HDAC4: variants seen among roughly 807,000 people sequenced by gnomAD.
HDAC4 encodes the protein histone deacetylase 4.
Under a neutral mutation model 135.1 loss-of-function variants are expected in HDAC4, and 16 were observed. The observed-to-expected ratio is 0.12, with a 90% CI of 0.08 to 0.18. The LOEUF is 0.18. Among genes scored for constraint, HDAC4 ranks in the 10% least tolerant of loss-of-function variants. HDAC4 has a pLI of 1.00. For missense variants in HDAC4, 1,143 were observed against 1,511.8 expected (o/e 0.76, Z 4.05); for synonymous variants, 685 against 653.4 (o/e 1.05, Z -0.74).
intron 2 of HDAC4, among the ~76,000 whole-genome samples, chr2:239,293,752 C>T (rs755613290): frequency 6.6e-5 from 10 of 152,182 alleles, no homozygotes; most frequent in Non-Finnish European, 1.0e-4. Flanking sequence ...GTCCACTGCA[C>T]CCTATACTGG....
chr2:239,386,914 C>T (rs1350708288), intron 1 of HDAC4, among the ~76,000 whole-genome samples: 2 of 152,250 alleles, frequency 1.3e-5, no homozygotes, highest in African/African-American at 4.8e-5. Context: ...AAACTCCACC[C>T]TTCCTCATTA....
intron 4 of HDAC4, chr2:239,187,246 A>G (rs1398511730): frequency 6.6e-6 from 1 of 152,532 alleles, no homozygotes; most frequent in Non-Finnish European, 1.5e-5. Context: ...GGGGCTTCTG[A>G]GAGGCACAGG....
chr2:239,370,430 TTAGCAGACTTG>T (rs777589372), intron 1 of HDAC4, among the ~76,000 whole-genome samples: 150 of 152,316 alleles, frequency 9.8e-4, no homozygotes, highest in Admixed American at 5.2e-3. Flanking sequence ...AGACTGCTAC[TTAGCAGACTTG>T]TAAAACTGGA....
Position 239,156,676 on chromosome 2 carries a change from C to G in HDAC4, c.709G>C (p.Asp237His). ...HPVLGMYDAK[D>H]DFPLRKTASE... ...CCTGTTTTCCTAAGAGGGAAGTCATCTTTGGCGTCGTACATTCCCAGGACC... is the reference window on the plus strand; with the variant it reads ...CCTGTTTTCCTAAGAGGGAAGTCATGTTTGGCGTCGTACATTCCCAGGACC... Residue 237 changes from aspartate (D) to histidine (H), a missense_variant, in exon 7 of 27, where the codon GAT (aspartate) becomes CAT (histidine). By Grantham distance (81) the Asp-to-His change is moderately conservative (BLOSUM62 -1). Around this residue, in one of 9 missense-constraint regions of HDAC4, gnomAD observed 247 missense variants for 310.0 expected, o/e 0.80. Transcript: ENST00000543185. 6.2e-7 allele frequency: 1 copy of G among 1,614,172 alleles called. No individual in the cohort carries two copies. Among genetic ancestry groups the G allele is most frequent in the Non-Finnish European group, 8.5e-7 (1 of 1,180,034 alleles).
At chr2:239,138,545 A>G (rs2041126763) in intron 9 of HDAC4, among the ~76,000 whole-genome samples, 1 of 152,238 alleles carries the variant, frequency 6.6e-6, no homozygotes, top group Non-Finnish European at 1.5e-5. Flanking sequence ...ACTCTGCCCC[A>G]TGAAGCAGAC....
At chr2:239,314,712 A>G (rs753811803) in intron 2 of HDAC4, among the ~76,000 whole-genome samples, 4 of 152,246 alleles carry the variant, frequency 2.6e-5, no homozygotes, top group Non-Finnish European at 5.9e-5. Context: ...GAAATAAACC[A>G]GGATGCAACA....
chr2:239,368,082 T>G (rs1694344218), intron 1 of HDAC4, among the ~76,000 whole-genome samples: 1 of 152,200 alleles, frequency 6.6e-6, no homozygotes, highest in South Asian at 2.1e-4. Flanking sequence ...CCAAAAACTC[T>G]GAGAGCCTGA....
At chr2:239,118,482 C>T (rs937608328) in intron 12 of HDAC4, among the ~76,000 whole-genome samples, 7 of 152,100 alleles carry the variant, frequency 4.6e-5, no homozygotes, top group African/African-American at 7.2e-5. Context: ...GAGAGTGCAG[C>T]GGTGGGTGGC....
chr2:239,227,462 C>A (rs1457491789), intron 3 of HDAC4, among the ~76,000 whole-genome samples: 2 of 152,188 alleles, frequency 1.3e-5, no homozygotes, highest in East Asian at 1.9e-4. Context: ...GCGGCCAGCA[C>A]CCTGCATGCC....
At chr2:239,265,873 C>T (rs1050925844) in intron 2 of HDAC4, among the ~76,000 whole-genome samples, 5 of 152,242 alleles carry the variant, frequency 3.3e-5, no homozygotes, top group Non-Finnish European at 5.9e-5. Flanking sequence ...CATGGGCTGG[C>T]TGGTGCTGAG....
At position 239,071,831 on chromosome 2, in the gene HDAC4, G is replaced by A. The variant is rs572567387; in HGVS notation, c.2751-3224C>T. On this transcript the variant is annotated intron_variant, in intron 22 of 26. Coordinates refer to ENST00000543185, the MANE Select transcript of HDAC4 (RefSeq NM_001378414.1). ...GGAAAGTCTGCTCAACTTTAATTCT[G>A]CAGGCAGAGTTGTGTAAGCTGAGCC... Among the ~76,000 whole-genome samples, 133 of 152,254 alleles carry A rather than the reference G, an allele frequency of 8.7e-4. 2 individuals carry two copies. The South Asian group carries it at 0.017, about 19-fold the overall frequency.
intron 1 of HDAC4, among the ~76,000 whole-genome samples, chr2:239,376,660 C>A (rs963399296): frequency 6.6e-6 from 1 of 152,226 alleles, no homozygotes; most frequent in Admixed American, 6.5e-5. Flanking sequence ...TTGCCCGGGA[C>A]GCCTAGTTTT....
intron 9 of HDAC4, 26 bp from the exon 10 acceptor site, chr2:239,134,669 T>C: frequency 6.5e-7 from 1 of 1,534,690 alleles, no homozygotes; most frequent in Non-Finnish European, 9.0e-7. Flanking sequence ...ACGATGACCA[T>C]CACAGTCTGT....
intron 2 of HDAC4, among the ~76,000 whole-genome samples, chr2:239,267,347 G>A (rs1353793746): frequency 7.9e-5 from 12 of 152,170 alleles, no homozygotes; most frequent in Admixed American, 5.2e-4. Flanking sequence ...AGACCCTCCC[G>A]AGGAAGCCGA....
At chr2:239,077,862 C>G (rs1407807337) in intron 22 of HDAC4, among the ~76,000 whole-genome samples, 2 of 152,208 alleles carry the variant, frequency 1.3e-5, no homozygotes, top group African/African-American at 4.8e-5. Context: ...AGAGCCTCAG[C>G]CTTCCCGTCT....
At chr2:239,296,559 T>C (rs1455252535) in intron 2 of HDAC4, among the ~76,000 whole-genome samples, 2 of 152,256 alleles carry the variant, frequency 1.3e-5, no homozygotes, top group Non-Finnish European at 2.9e-5. Flanking sequence ...GTCACAATGC[T>C]GGCCGGCATT....
intron 5 of HDAC4, among the ~76,000 whole-genome samples, chr2:239,171,489 T>C (rs1167310425): frequency 1.3e-5 from 2 of 152,132 alleles, no homozygotes; most frequent in African/African-American, 4.8e-5. Flanking sequence ...AAAAATAACT[T>C]AAGAAACTTA....
At chr2:239,237,080 C>T (rs1464023006) in intron 2 of HDAC4, among the ~76,000 whole-genome samples, 3 of 152,118 alleles carry the variant, frequency 2.0e-5, no homozygotes, top group Non-Finnish European at 4.4e-5. Context: ...CACAGGGAGC[C>T]CTCGGAACCC....
intron 3 of HDAC4, among the ~76,000 whole-genome samples, chr2:239,203,036 C>T (rs1236880514): frequency 7.2e-5 from 11 of 152,180 alleles, no homozygotes; most frequent in African/African-American, 2.2e-4. Flanking sequence ...GTGCTGGCAG[C>T]GCTGAGTGGA....
Sources: allele counts gnomAD v4.1 joint callset (sites outside exome capture counted in the v4.1 genomes callset), GRCh38; gene constraint gnomAD v4.1.1; regional missense constraint gnomAD v4.1.1; transcripts MANE v1.5; gene names NCBI Gene and HGNC (gene_info 2026-07-23, HGNC 2026-07-21).